Variants in PRKAR1B observed in about 807,000 individuals in gnomAD.
PRKAR1B encodes cAMP-dependent protein kinase type I-beta regulatory subunit.
PRKAR1B carries 22 observed loss-of-function variants against 46.5 expected under a neutral mutation model. That is an observed-to-expected ratio of 0.47 (90% CI 0.34 to 0.68). PRKAR1B has a LOEUF of 0.68. Ranked by LOEUF, PRKAR1B falls within the 30% of genes least tolerant of loss-of-function variation. PRKAR1B has a pLI of 0.01. For synonymous variants in PRKAR1B, 259 were observed against 217.7 expected (o/e 1.19, Z -1.67); for missense variants, 445 against 535.6 (o/e 0.83, Z 1.67).
intron 2 of PRKAR1B, among the ~76,000 whole-genome samples, chr7:701,248 GGAAAGAAAGAAAGAAGGAAAAAA>G (rs1159674802): frequency 8.0e-5 from 11 of 137,448 alleles, no homozygotes; most frequent in African/African-American, 2.4e-4. Context: ...AAGGAAGGAA[GGAAAGAAAGAAAGAAGGAAAAAA>G]GAAAGAAAGA....
At chr7:724,829 C>G (rs529960514) in intron 1 of PRKAR1B, among the ~76,000 whole-genome samples, 2 of 152,194 alleles carry the variant, frequency 1.3e-5, no homozygotes, top group Non-Finnish European at 2.9e-5. Flanking sequence ...TCATCCTGTC[C>G]CACATGTTGC....
At chr7:717,328 A>T (rs78889682) in intron 1 of PRKAR1B, among the ~76,000 whole-genome samples, 3 of 151,798 alleles carry the variant, frequency 2.0e-5, no homozygotes, top group Non-Finnish European at 1.5e-5. Flanking sequence ...ACAGAAGGAA[A>T]GAAAGAAAGG....
chr7:559,927 C>T (rs1778682367), intron 9 of PRKAR1B, among the ~76,000 whole-genome samples: 1 of 152,112 alleles, frequency 6.6e-6, no homozygotes, highest in Non-Finnish European at 1.5e-5. Context: ...AGTAAATTAG[C>T]TGGACGTGGT....
chr7:689,409 C>T (rs568535931), intron 2 of PRKAR1B, among the ~76,000 whole-genome samples: 2 of 152,252 alleles, frequency 1.3e-5, no homozygotes, highest in Admixed American at 1.3e-4. Context: ...GCGTGAGCCA[C>T]TGCACCTGGC....
intron 2 of PRKAR1B, among the ~76,000 whole-genome samples, chr7:684,689 C>T (rs902337341): frequency 1.3e-5 from 2 of 152,170 alleles, no homozygotes; most frequent in African/African-American, 4.8e-5. Flanking sequence ...GCCAGGCAGC[C>T]CCCCAAGGCC....
intron 4 of PRKAR1B, among the ~76,000 whole-genome samples, chr7:651,290 G>A (rs529383253): frequency 9.8e-5 from 15 of 152,320 alleles, no homozygotes; most frequent in South Asian, 2.1e-4. Flanking sequence ...CTATAGGGAC[G>A]TGTGCCATGG....
intron 4 of PRKAR1B, among the ~76,000 whole-genome samples, chr7:640,682 G>A (rs998364632): frequency 8.6e-5 from 13 of 151,598 alleles, no homozygotes; most frequent in Non-Finnish European, 1.5e-4. Flanking sequence ...GGAATCACCT[G>A]AACCCAGAAG....
intron 8 of PRKAR1B, among the ~76,000 whole-genome samples, chr7:581,494 T>C (rs1467185354): frequency 6.6e-6 from 1 of 152,208 alleles, no homozygotes; most frequent in Non-Finnish European, 1.5e-5. Flanking sequence ...TTGGAGTGTT[T>C]TCTTTACTGG....
At chr7:574,273 C>A (rs1027352258) in intron 9 of PRKAR1B, among the ~76,000 whole-genome samples, 2 of 152,250 alleles carry the variant, frequency 1.3e-5, no homozygotes, top group African/African-American at 2.4e-5. Context: ...CCCCGAGTGC[C>A]TGCAGAGACG....
rs1186344450 is a variant in PRKAR1B at position 549,650 on chromosome 7, A to T, written c.*780T>A. 2 of 152,188 alleles carry T rather than the reference A, an allele frequency of 1.3e-5. No individual in the cohort carries two copies. Among genetic ancestry groups the T allele is most frequent in the East Asian group, 3.9e-4 (2 of 5,138 alleles). The allele number at this position is 152,188 out of a possible 1,614,324, so 9.4% of individuals were successfully genotyped here. A position where few individuals can be genotyped will look rare whatever the true frequency, so the allele number is the denominator to read the frequency against. ...CCCAACATCAACTTGCCCTGGGTGGACTTTCTAAGAAAGGTGAGGACGGCC... is the reference window on the plus strand; with the variant it reads ...CCCAACATCAACTTGCCCTGGGTGGTCTTTCTAAGAAAGGTGAGGACGGCC... On this transcript the variant is annotated 3_prime_UTR_variant, in exon 11 of 11. Transcript: ENST00000537384.
chr7:549,931 G>A lies in PRKAR1B; in HGVS notation c.*499C>T, dbSNP rs1428679509. ...CGGGCAGGGGTACACATTTGCGGGA[G>A]GGGCCTTGACTTCTTCGGCCTCAAC... is the stretch of plus-strand genomic sequence containing the variant. On this transcript the variant is annotated 3_prime_UTR_variant, in exon 11 of 11. Transcript: ENST00000537384. The A allele has an allele frequency of 6.3e-6, 1 of 157,678 alleles. No homozygotes were observed. Among genetic ancestry groups the A allele is most frequent in the Admixed American group, 6.1e-5 (1 of 16,526 alleles). The allele number at this position is 157,678 out of a possible 1,614,324, so 9.8% of individuals were successfully genotyped here. A position where few individuals can be genotyped will look rare whatever the true frequency, so the allele number is the denominator to read the frequency against.
At chr7:609,746 T>C (rs1352597840) in intron 4 of PRKAR1B, among the ~76,000 whole-genome samples, 2 of 152,174 alleles carry the variant, frequency 1.3e-5, no homozygotes, top group Admixed American at 6.5e-5. Context: ...TAGTATTCTT[T>C]TTTTTCTTTT....
chr7:570,450 CCT>C (rs1164049771), intron 9 of PRKAR1B, among the ~76,000 whole-genome samples: 1 of 152,154 alleles, frequency 6.6e-6, no homozygotes, highest in African/African-American at 2.4e-5. Context: ...CTCCCGCGCT[CCT>C]GTGTCCCCGA....
At chr7:577,084 T>C (rs867937996) in intron 9 of PRKAR1B, among the ~76,000 whole-genome samples, 99 of 150,216 alleles carry the variant, frequency 6.6e-4, no homozygotes, top group Middle Eastern at 6.9e-3. Context: ...ATCAGCGGCC[T>C]CATCCAACTC....
intron 9 of PRKAR1B, among the ~76,000 whole-genome samples, chr7:576,113 C>T (rs1399380511): frequency 1.3e-5 from 2 of 151,182 alleles, no homozygotes; most frequent in East Asian, 2.0e-4. Context: ...GCATAGTCTC[C>T]TCTGCACACG....
chr7:632,262 C>T (rs148908010), intron 4 of PRKAR1B, among the ~76,000 whole-genome samples: 155 of 152,280 alleles, frequency 1.0e-3, no homozygotes, highest in Non-Finnish European at 2.0e-3. Flanking sequence ...CCCAGCAGCT[C>T]GGCCCCTGCA....
At chr7:680,471 T>C in intron 3 of PRKAR1B, 85 bp downstream of exon 3, 1 of 1,332,412 alleles carries the variant, frequency 7.5e-7, no homozygotes, top group Non-Finnish European at 1.0e-6. Flanking sequence ...AGGATGAGGG[T>C]GCCCCGTGGG....
At chr7:691,921 T>C in intron 2 of PRKAR1B, 1 of 979,626 alleles carries the variant, frequency 1.0e-6, no homozygotes, top group Non-Finnish European at 1.3e-6. Context: ...GCGAGTCCCT[T>C]GCTCACATCC....
chr7:654,612 T>C (rs1204170028), intron 4 of PRKAR1B, among the ~76,000 whole-genome samples: 1 of 151,728 alleles, frequency 6.6e-6, no homozygotes, highest in African/African-American at 2.4e-5. Flanking sequence ...ATCACCATCA[T>C]CACCATCCTC....
Sources: gnomAD v4.1 joint callset for allele counts (sites outside exome capture counted in the v4.1 genomes callset) on GRCh38, gnomAD v4.1.1 for gene constraint, MANE v1.5 for transcripts, NCBI Gene and HGNC (gene_info 2026-07-23, HGNC 2026-07-21) for gene names.